Variants in CDH18 observed in about 807,000 individuals in gnomAD.
CDH18 encodes cadherin-18.
In CDH18, 31 loss-of-function variants were observed where a neutral mutation model predicts 67.9. The ratio of observed to expected loss-of-function variants is 0.46; its 90% confidence interval spans 0.34 to 0.62. The LOEUF is 0.62. Among genes scored for constraint, CDH18 ranks in the 20% least tolerant of loss-of-function variants. CDH18 has a pLI of 0.01. For missense variants in CDH18, 890 were observed against 975.5 expected (o/e 0.91, Z 1.17); for synonymous variants, 362 against 347.2 (o/e 1.04, Z -0.48).
chr5:19,961,097 A>C (rs1202510241), intron 2 of CDH18, among the ~76,000 whole-genome samples: 2 of 133,532 alleles, frequency 1.5e-5, no homozygotes, highest in Non-Finnish European at 3.1e-5. Context: ...CAACTACATT[A>C]TAATTTTTTT....
In CDH18 at chr5:20,002,051, A is replaced by C. The variant is rs1402073915; in HGVS notation, c.-517-10037T>G. Among the ~76,000 whole-genome samples, 3 of 152,298 alleles carry C rather than the reference A, an allele frequency of 2.0e-5. No individual in the cohort carries two copies. In the East Asian group the frequency reaches 5.8e-4, roughly 29 times the overall value. ...GTGTCCCTAACCATATGTTCTGCTC[A>C]TTGTTACAAACTAGTCATTATTGAC... On this transcript the variant is annotated intron_variant, in intron 2 of 14. Transcript: ENST00000507958.
At chr5:19,753,056 T>C (rs1282590777) in intron 3 of CDH18, among the ~76,000 whole-genome samples, 1 of 152,126 alleles carries the variant, frequency 6.6e-6, no homozygotes, top group Admixed American at 6.6e-5. Flanking sequence ...ACCTTCCCTC[T>C]GACATAACCT....
chr5:20,072,313 A>G (rs1199655561), intron 2 of CDH18, among the ~76,000 whole-genome samples: 1 of 152,074 alleles, frequency 6.6e-6, no homozygotes, highest in African/African-American at 2.4e-5. Flanking sequence ...TTGCCCAACT[A>G]AAAGAGGATT....
At chr5:19,717,485 T>C (rs745843900) in intron 5 of CDH18, among the ~76,000 whole-genome samples, 43 of 152,008 alleles carry the variant, frequency 2.8e-4, no homozygotes, top group Admixed American at 1.5e-3. Context: ...ACCTATGTTA[T>C]GGGAACTAGT....
intron 1 of CDH18, among the ~76,000 whole-genome samples, chr5:20,478,222 G>A (rs1377201903): frequency 6.6e-6 from 1 of 152,106 alleles, no homozygotes; most frequent in African/African-American, 2.4e-5. Flanking sequence ...GGTAAGGAGA[G>A]GAAAGAGTAA....
At chr5:20,275,766 C>CAA (rs1561931749) in intron 1 of CDH18, among the ~76,000 whole-genome samples, 1 of 152,068 alleles carries the variant, frequency 6.6e-6, no homozygotes, top group African/African-American at 2.4e-5. Flanking sequence ...CTGGTTTTAA[C>CAA]TTCTTATCAC....
chr5:20,400,503 A>G (rs1745665388), intron 1 of CDH18, among the ~76,000 whole-genome samples: 1 of 151,602 alleles, frequency 6.6e-6, no homozygotes, highest in African/African-American at 2.4e-5. Flanking sequence ...ATAAATAAAT[A>G]CATAAAAAGA....
intron 1 of CDH18, among the ~76,000 whole-genome samples, chr5:20,554,106 C>T (rs1475255970): frequency 6.6e-6 from 1 of 152,102 alleles, no homozygotes; most frequent in Non-Finnish European, 1.5e-5. Context: ...TTCTCTTCTA[C>T]TTCAGGGCTT....
intron 1 of CDH18, among the ~76,000 whole-genome samples, chr5:20,328,275 C>A (rs1323967859): frequency 1.3e-5 from 2 of 152,130 alleles, no homozygotes; most frequent in African/African-American, 4.8e-5. Flanking sequence ...TCAACCGTAT[C>A]CAGGTGAGAA....
In CDH18 at chr5:19,613,123, C is replaced by T. The variant is rs571381052; in HGVS notation, c.644-522G>A. 7.9e-5 allele frequency among the ~76,000 whole-genome samples: 12 copies of T among 152,082 alleles called. No individual in the cohort carries two copies. The South Asian group carries it at 8.3e-4, about 11-fold the overall frequency. On this transcript the variant is annotated intron_variant, in intron 5 of 12. Transcript: ENST00000382275. Reference sequence around the variant, plus strand: ...TCACGCCACTGCACTCCAGCCTGGGCGACAGAGTGAGACTCCAACTAAAAA... The same window carrying T: ...TCACGCCACTGCACTCCAGCCTGGGTGACAGAGTGAGACTCCAACTAAAAA...
chr5:19,743,803 C>T (rs1191573777), intron 4 of CDH18, among the ~76,000 whole-genome samples: 3 of 151,806 alleles, frequency 2.0e-5, no homozygotes, highest in Non-Finnish European at 4.4e-5. Context: ...CGCCTGTAAT[C>T]CCAGCTATTT....
At chr5:20,230,536 T>A (rs1173578047) in intron 2 of CDH18, among the ~76,000 whole-genome samples, 1 of 152,182 alleles carries the variant, frequency 6.6e-6, no homozygotes, top group East Asian at 1.9e-4. Flanking sequence ...CCATTGTTAA[T>A]TGATGACCAT....
At chr5:20,460,264 C>T (rs1164460007) in intron 1 of CDH18, among the ~76,000 whole-genome samples, 6 of 151,770 alleles carry the variant, frequency 4.0e-5, no homozygotes, top group Non-Finnish European at 5.9e-5. Context: ...TGGTGGTGTG[C>T]GCCTGTAGTC....
intron 11 of CDH18, among the ~76,000 whole-genome samples, chr5:19,490,562 G>GCAC (rs1471187737): frequency 6.6e-6 from 1 of 151,380 alleles, no homozygotes; most frequent in African/African-American, 2.4e-5. Flanking sequence ...CTACAGGCGT[G>GCAC]CACCACCACA....
chr5:19,950,883 T>C (rs909428447), intron 2 of CDH18, among the ~76,000 whole-genome samples: 1 of 152,186 alleles, frequency 6.6e-6, no homozygotes, highest in Non-Finnish European at 1.5e-5. Flanking sequence ...GCATTTATTT[T>C]AAAACCCACA....
intron 1 of CDH18, among the ~76,000 whole-genome samples, chr5:20,359,123 C>T (rs943515885): frequency 1.3e-5 from 2 of 151,540 alleles, no homozygotes; most frequent in Non-Finnish European, 1.5e-5. Flanking sequence ...TAGAGAAGTG[C>T]TTTCTCTATG....
At chr5:20,020,951 G>C (rs910634065) in intron 2 of CDH18, among the ~76,000 whole-genome samples, 3 of 151,948 alleles carry the variant, frequency 2.0e-5, no homozygotes, top group African/African-American at 7.3e-5. Context: ...GCCAGCCCTT[G>C]AGAGTAGCCA....
At chr5:19,521,148 C>T (rs1315174078) in intron 9 of CDH18, among the ~76,000 whole-genome samples, 1 of 152,014 alleles carries the variant, frequency 6.6e-6, no homozygotes. Flanking sequence ...AAAATAATTA[C>T]CTAATCTTTA....
chr5:20,460,887 G>A lies in CDH18; in HGVS notation c.-580+114575C>T, dbSNP rs547730644. Among the ~76,000 whole-genome samples the A allele has an allele frequency of 4.6e-5, 7 of 151,998 alleles. No individual in the cohort carries two copies. The East Asian group carries it at 9.7e-4, about 21-fold the overall frequency. On this transcript the variant is annotated intron_variant, in intron 1 of 14. Transcript: ENST00000507958. The stretch of plus-strand genomic sequence containing the variant: ...TTGTCTGTATAACTTTCTTTTTGTC[G>A]CCATGAGTAACTTAACTGAGTACAT...
Sources: gnomAD v4.1 joint callset for allele counts (sites outside exome capture counted in the v4.1 genomes callset) on GRCh38, gnomAD v4.1.1 for gene constraint, MANE v1.5 for transcripts, NCBI Gene and HGNC (gene_info 2026-07-23, HGNC 2026-07-21) for gene names.